Variants in MAST2 observed in about 807,000 individuals in gnomAD.
The protein encoded by MAST2 is microtubule-associated serine/threonine-protein kinase 2.
In MAST2, 70 loss-of-function variants were observed where a neutral mutation model predicts 147.4. The ratio of observed to expected loss-of-function variants is 0.47; its 90% CI spans 0.39 to 0.58. The LOEUF (loss-of-function observed/expected upper bound fraction) is 0.58. Among genes scored for constraint, MAST2 ranks in the 20% least tolerant of loss-of-function variants. The pLI is 0.00. For missense variants in MAST2, 2,080 were observed against 2,302.3 expected, an observed-to-expected ratio of 0.90 and a Z score of 1.98; for synonymous variants, 869 against 896.8, an observed-to-expected ratio of 0.97 and a Z score of 0.55.
At chr1:45,961,175 C>T (rs943849358) in intron 5 of MAST2, among the ~76,000 whole-genome samples, 1 of 151,950 alleles carries the variant, frequency 6.6e-6, no homozygotes, top group Non-Finnish European at 1.5e-5. Flanking sequence ...ACAGGGATCC[C>T]AGGGAACTGG....
In MAST2 at chr1:45,830,377, G is replaced by A. The variant is rs572591194; in HGVS notation, c.468+796G>A. ...TTTAGTAGAGATGGGGTTTCACCACGTTGGCCAGGCTGGTCTTGAACTCCT... is the reference window on the plus strand; with the variant it reads ...TTTAGTAGAGATGGGGTTTCACCACATTGGCCAGGCTGGTCTTGAACTCCT... On this transcript the variant is annotated intron_variant, in intron 3 of 28. Transcript: ENST00000361297. Among the ~76,000 whole-genome samples the A allele has an allele frequency of 8.6e-5, 13 of 151,796 alleles. No homozygotes were observed. In the East Asian group the frequency reaches 1.7e-3, roughly 20 times the overall value.
rs1646531425 is a variant in MAST2, at chr1:46,029,093, T to C, written c.2218+160T>C. 5.3e-6 allele frequency: 4 copies of C among 754,202 alleles called. No homozygotes were observed. The Admixed American group carries it at 1.2e-4, about 23-fold the overall frequency. The allele number at this position is 754,202 out of a possible 1,614,324, so 46.7% of individuals were successfully genotyped here. A position where few individuals can be genotyped will look rare whatever the true frequency, so the allele number is the denominator to read the frequency against. ...GGATGGGTGTCTCTGTGTTTCTGCA[T>C]GTACATACATGTGCACACTGTGTCC... On this transcript the variant is annotated intron_variant, in intron 18 of 28. Coordinates refer to ENST00000361297, the MANE Select transcript of MAST2 (RefSeq NM_015112.3).
At chr1:45,906,650 TATA>T (rs1650787809) in intron 4 of MAST2, among the ~76,000 whole-genome samples, 1 of 148,400 alleles carries the variant, frequency 6.7e-6, no homozygotes, top group Non-Finnish European at 1.5e-5. Flanking sequence ...GATACAATTA[TATA>T]ATATATAATT....
intron 7 of MAST2, among the ~76,000 whole-genome samples, chr1:46,004,143 T>C (rs1186763259): frequency 6.6e-6 from 1 of 152,056 alleles, no homozygotes; most frequent in East Asian, 1.9e-4. Context: ...GGCAGGCTGA[T>C]CGCAAGGTCA....
At chr1:45,877,051 C>A (rs939385202) in intron 3 of MAST2, among the ~76,000 whole-genome samples, 4 of 152,130 alleles carry the variant, frequency 2.6e-5, no homozygotes, top group African/African-American at 9.7e-5. Context: ...TGAGTGTCTT[C>A]GTCTGTTCGT....
At chr1:45,948,329 C>T (rs1215210458) in intron 4 of MAST2, among the ~76,000 whole-genome samples, 1 of 152,016 alleles carries the variant, frequency 6.6e-6, no homozygotes, top group Non-Finnish European at 1.5e-5. Flanking sequence ...GATCATATTG[C>T]CTGAAGCAAT....
chr1:45,857,036 T>C lies in MAST2; in HGVS notation c.469-25328T>C, dbSNP rs530681617. Among the ~76,000 whole-genome samples the C allele has an allele frequency of 2.6e-5, 4 of 152,320 alleles. No homozygotes were observed. In the East Asian group the frequency reaches 5.8e-4, roughly 22 times the overall value. On this transcript the variant is annotated intron_variant, in intron 3 of 28. Transcript: ENST00000361297. ...GCATGAAAATATTCTCCCAAACCCC[T>C]AATCCTTCCCTGTTTTATTTTTCTT...
chr1:45,967,989 C>A (rs886727730), intron 5 of MAST2, among the ~76,000 whole-genome samples: 5 of 152,138 alleles, frequency 3.3e-5, no homozygotes, highest in African/African-American at 1.2e-4. Context: ...AGATTAAGCA[C>A]CCCCAGTCCA....
In MAST2 at chr1:46,023,377, C is replaced by G. The variant is rs748966030; in HGVS notation, c.1571+59C>G. On this transcript the variant is annotated intron_variant, in intron 14 of 28. Transcript: ENST00000361297. The surrounding 1 kb of genome is among the most constrained non-coding windows in gnomAD (Gnocchi z 4.9). ...AAGCCGGGTCAGCCTTTGATCTCTT[C>G]CATGTGAGAGTGTATGCTGCCCAGT... 1.5e-5 allele frequency: 22 copies of G among 1,483,974 alleles called. No homozygotes were observed. Among genetic ancestry groups the G allele is most frequent in the Non-Finnish European group, 2.1e-5 (22 of 1,062,852 alleles). 91.9% of individuals were successfully genotyped at this position (1,483,974 alleles called of 1,614,324 possible). A position where few individuals can be genotyped will look rare whatever the true frequency, so the allele number is the denominator to read the frequency against.
intron 4 of MAST2, among the ~76,000 whole-genome samples, chr1:45,914,602 C>G (rs1652184731): frequency 1.3e-5 from 2 of 152,194 alleles, no homozygotes; most frequent in African/African-American, 4.8e-5. Flanking sequence ...GAGTGTACTT[C>G]AGATTTTCTT....
intron 4 of MAST2, among the ~76,000 whole-genome samples, chr1:45,888,091 A>G (rs1007189304): frequency 2.6e-5 from 4 of 152,182 alleles, no homozygotes; most frequent in Non-Finnish European, 4.4e-5. Flanking sequence ...TGTCATGCTC[A>G]TTATCCCCAC....
chr1:46,023,291 T>C lies in MAST2; in HGVS notation c.1544T>C (p.Ile515Thr). Residue 515 changes from isoleucine to threonine, a missense_variant, in exon 14 of 29, where the codon ATT becomes ACT. Transcript: ENST00000361297. The surrounding 1 kb of genome is among the most constrained non-coding windows in gnomAD (Gnocchi z 4.9). The stretch of plus-strand genomic sequence containing the variant: ...CCCTCTGAAGAGGACTTCGAGACCA[T>C]TAAGCTCATCAGCAATGGCGCCTAT... ...KTPSEEDFET[I>T]KLISNGAYGA... 1 of 1,614,140 alleles carries C rather than the reference T, an allele frequency of 6.2e-7. No individual in the cohort carries two copies. The highest frequency in any genetic ancestry group is 1.1e-5 in the South Asian group (1 of 91,082).
intron 6 of MAST2, among the ~76,000 whole-genome samples, chr1:45,998,828 C>T (rs937921707): frequency 3.3e-5 from 5 of 151,740 alleles, no homozygotes; most frequent in South Asian, 2.1e-4. Flanking sequence ...CCCGGGTTCA[C>T]GCCATTCTCC....
In MAST2 at chr1:45,863,525, A is replaced by G. The variant is rs553392693; in HGVS notation, c.469-18839A>G. Among the ~76,000 whole-genome samples the G allele has an allele frequency of 2.6e-5, 4 of 152,290 alleles. No individual in the cohort carries two copies. The South Asian group carries it at 8.3e-4, about 32-fold the overall frequency. On this transcript the variant is annotated intron_variant, in intron 3 of 28. Transcript: ENST00000361297. ...TTTCTGCTGAATGAAAGGGACATGG[A>G]TCCTGTTTTTTGTGCTATTTTCAGC... is the stretch of plus-strand genomic sequence containing the variant.
chr1:46,031,615 TCA>T lies in MAST2; in HGVS notation c.3187+33_3187+34del. On this transcript the variant is annotated intron_variant, in intron 24 of 28. Transcript: ENST00000361297. This position sits in a 1 kb window ranked among gnomAD's most constrained non-coding sequence, Gnocchi z 4.1. Reference sequence around the variant, plus strand: ...GGCCCCTGGGGAGCTGGGATAAAACTCACAGGAAGGGCCTTGTAATCTCTAGG... The same window carrying T: ...GGCCCCTGGGGAGCTGGGATAAAACTCAGGAAGGGCCTTGTAATCTCTAGG... 6.3e-7 allele frequency: 1 copy of T among 1,594,152 alleles called. No homozygotes were observed.
intron 4 of MAST2, among the ~76,000 whole-genome samples, chr1:45,955,686 A>C (rs1310061439): frequency 6.6e-6 from 1 of 152,138 alleles, no homozygotes; most frequent in East Asian, 1.9e-4. Flanking sequence ...CCAATTGTAA[A>C]GGCCCTGAGA....
At chr1:45,911,853 ATATTATTATTATTATTATTATTAT>A (rs10595888) in intron 4 of MAST2, among the ~76,000 whole-genome samples, 10 of 135,798 alleles carry the variant, frequency 7.4e-5, no homozygotes, top group African/African-American at 1.1e-4. Context: ...TATTATTGTT[ATATTATTATTATTATTATTATTAT>A]TATTATTATT....
In MAST2 at chr1:46,032,262, G is replaced by A; in HGVS notation, c.3272G>A (p.Ser1091Asn). The A allele has an allele frequency of 6.2e-7, 1 of 1,614,204 alleles. No homozygotes were observed. The highest frequency in any genetic ancestry group is 8.5e-7 in the Non-Finnish European group (1 of 1,180,038). ...SNPSSRDSSP[S>N]RDFLPALGSM... is the part of the protein sequence containing the mutation. Reference sequence around the variant, plus strand: ...CCATCATCCCGGGACTCTTCTCCAAGCAGGGACTTCTTGCCAGCCCTTGGC... The same window carrying A: ...CCATCATCCCGGGACTCTTCTCCAAACAGGGACTTCTTGCCAGCCCTTGGC... Residue 1091 changes from serine (S) to asparagine (N), a missense_variant, in exon 25 of 29, where the codon AGC becomes AAC. Ser to Asn is a conservative substitution (Grantham distance 46). Coordinates refer to ENST00000361297, the MANE Select transcript of MAST2 (RefSeq NM_015112.3).
chr1:45,874,882 G>T (rs11211211), intron 3 of MAST2, among the ~76,000 whole-genome samples: 121,250 of 152,190 alleles, frequency 0.8, 48,781 homozygotes, highest in East Asian at 0.98. Context: ...AGAAAAACTT[G>T]CCAGAGGAAA....
Sources: gnomAD v4.1 joint callset for allele counts (sites outside exome capture counted in the v4.1 genomes callset) on GRCh38, gnomAD v4.1.1 for gene constraint, Gnocchi (gnomAD v3.1) non-coding constraint, MANE v1.5 for transcripts, NCBI Gene and HGNC (gene_info 2026-07-23, HGNC 2026-07-21) for gene names.